The following XDH variants were observed in gnomAD, a reference collection of about 807,000 sequenced individuals.
The protein encoded by XDH is xanthine dehydrogenase.
XDH carries 138 observed loss-of-function variants against 156.1 expected under a neutral mutation model. The observed-to-expected ratio is 0.88, with a 90% CI of 0.77 to 1.02. XDH has a LOEUF of 1.02. Among genes scored for constraint, XDH ranks in the 50% least tolerant of loss-of-function variants. XDH has a pLI of 0.00. For synonymous variants in XDH, 669 were observed against 625.7 expected (o/e 1.07, Z -1.03); for missense variants, 1,849 against 1,684.9 (o/e 1.10, Z -1.71).
chr2:31,386,444 C>T lies in XDH; in HGVS notation c.763G>A (p.Ala255Thr), dbSNP rs151251011. ...LLDLKAQHPD[A>T]KLVVGNTEIG... ...TCCGTGTTCCCCACGACCAGCTTGG[C>T]GTCAGGGTGCTGAGCCTTGAGGTCC... Residue 255 changes from alanine to threonine, a missense_variant, in exon 9 of 36, where the codon GCC becomes ACC. Ala to Thr is a moderately conservative substitution (Grantham distance 58). Coordinates refer to ENST00000379416, the MANE Select transcript of XDH (RefSeq NM_000379.4). 18 of 1,613,718 alleles carry T rather than the reference C, an allele frequency of 1.1e-5. No individual in the cohort carries two copies. In the African/African-American group the frequency reaches 1.2e-4, roughly 11 times the overall value.
intron 1 of XDH, among the ~76,000 whole-genome samples, chr2:31,411,283 GAAA>G (rs376149812): frequency 9.8e-6 from 1 of 102,038 alleles, no homozygotes. Flanking sequence ...CCTGTCTCAG[GAAA>G]AAAAAAAAAA....
Position 31,370,496 on chromosome 2 carries a change from G to C in XDH, c.1857-18C>G. On this transcript the variant is annotated intron_variant, in intron 17 of 35. Coordinates refer to ENST00000379416, the MANE Select transcript of XDH (RefSeq NM_000379.4). Reference sequence around the variant, plus strand: ...CTATGGACCTGCAAGAATGAGTGGTGTGAGGGGCCAGGTCAGCAAGCTGGA... The same window carrying C: ...CTATGGACCTGCAAGAATGAGTGGTCTGAGGGGCCAGGTCAGCAAGCTGGA... 6.2e-7 allele frequency: 1 copy of C among 1,614,032 alleles called. No individual in the cohort carries two copies. Among genetic ancestry groups the C allele is most frequent in the Non-Finnish European group, 8.5e-7 (1 of 1,179,926 alleles).
rs755007813 is a variant in XDH, at chr2:31,349,667, T to A, written c.2969+19A>T. ...ATGAAACCCAGAAGAGCAACTGGACTTCTACTCCTAGTGCTTACTTGTTGA... is the reference window on the plus strand; with the variant it reads ...ATGAAACCCAGAAGAGCAACTGGACATCTACTCCTAGTGCTTACTTGTTGA... On this transcript the variant is annotated intron_variant, in intron 26 of 35. Transcript: ENST00000379416. The A allele has an allele frequency of 6.2e-7, 1 of 1,614,142 alleles. No homozygotes were observed. The highest frequency in any genetic ancestry group is 1.1e-5 in the South Asian group (1 of 91,066).
In XDH at chr2:31,372,388, T is replaced by G. The variant is rs1371594100; in HGVS notation, c.1696A>C (p.Lys566Gln). 9 of 1,613,926 alleles carry G rather than the reference T, an allele frequency of 5.6e-6. No homozygotes were observed. Among genetic ancestry groups the G allele is most frequent in the Non-Finnish European group, 7.6e-6 (9 of 1,180,052 alleles). ...ADVQLFQEVP[K>Q]GQSEEDMVGR... ...ACCATGTCCTCCTCAGACTGACCCT[T>G]GGGCACCTCCTGGAATGACAGGGTC... The change falls in exon 17 of 36, where the codon AAG (lysine) becomes CAG (glutamine). Residue 566 changes from lysine to glutamine, a missense_variant. Transcript: ENST00000379416.
chr2:31,399,451 T>A (rs534664021), intron 4 of XDH, among the ~76,000 whole-genome samples: 149 of 152,078 alleles, frequency 9.8e-4, no homozygotes, highest in African/African-American at 3.4e-3. Context: ...AGAAAACAAA[T>A]AAATGGACAA....
intron 1 of XDH, among the ~76,000 whole-genome samples, chr2:31,406,654 C>T (rs753085632): frequency 8.5e-5 from 13 of 152,222 alleles, no homozygotes; most frequent in African/African-American, 1.7e-4. Context: ...CACGCTGGCT[C>T]GACCAAGGCC....
At chr2:31,378,102 G>GAAAGAAAT (rs1686308038) in intron 13 of XDH, among the ~76,000 whole-genome samples, 1 of 60,318 alleles carries the variant, frequency 1.7e-5, no homozygotes, top group Non-Finnish European at 3.1e-5. Flanking sequence ...AAGAAAGAAA[G>GAAAGAAAT]AAAGAAAGGA....
intron 31 of XDH, among the ~76,000 whole-genome samples, chr2:31,343,265 T>G: frequency 7.8e-6 from 1 of 127,666 alleles, no homozygotes; most frequent in African/African-American, 3.0e-5. Context: ...CTAGAAAGCA[T>G]TGGCAAAACA....
At chr2:31,394,900 TC>T (rs1346736822) in intron 6 of XDH, among the ~76,000 whole-genome samples, 1 of 152,224 alleles carries the variant, frequency 6.6e-6, no homozygotes, top group African/African-American at 2.4e-5. Context: ...TCTTAGAATT[TC>T]CGTTCTCTGC....
chr2:31,350,523 C>T lies in XDH; in HGVS notation c.2632-300G>A, dbSNP rs927356450. 3.2e-4 allele frequency among the ~76,000 whole-genome samples: 48 copies of T among 151,764 alleles called. 1 individual carries two copies. Among genetic ancestry groups the T allele is most frequent in the African/African-American group, 1.1e-3 (46 of 41,300 alleles). On this transcript the variant is annotated intron_variant, in intron 24 of 35. Transcript: ENST00000379416. ...TCCTGAGTAGCTGGGATTACAGGCA[C>T]GCACCACACGCCCAGCTAATTTTTG...
intron 12 of XDH, among the ~76,000 whole-genome samples, chr2:31,380,828 T>C (rs984500875): frequency 2.0e-5 from 3 of 152,172 alleles, no homozygotes; most frequent in African/African-American, 7.2e-5. Flanking sequence ...AGAGATGCAC[T>C]GGAGCACATA....
intron 2 of XDH, among the ~76,000 whole-genome samples, 163 bp from the exon 3 acceptor site, chr2:31,403,307 G>A (rs938554487): frequency 1.3e-5 from 2 of 152,178 alleles, no homozygotes; most frequent in Admixed American, 6.5e-5. Context: ...TATTCAGAGG[G>A]GCTGCACTGC....
intron 9 of XDH, among the ~76,000 whole-genome samples, chr2:31,386,213 C>G (rs1438968742): frequency 6.6e-6 from 1 of 152,194 alleles, no homozygotes; most frequent in South Asian, 2.1e-4. Flanking sequence ...GGGGCTGAGC[C>G]AGGCCTGTGG....
intron 13 of XDH, 117 bp downstream of exon 13, chr2:31,379,750 A>G (rs1686379411): frequency 4.0e-6 from 4 of 998,542 alleles, no homozygotes; most frequent in Non-Finnish European, 6.4e-6. Context: ...AAAAATCATC[A>G]ATGTAAAGGT....
chr2:31,359,249 T>A (rs1685710508), intron 24 of XDH, among the ~76,000 whole-genome samples: 1 of 152,008 alleles, frequency 6.6e-6, no homozygotes, highest in East Asian at 1.9e-4. Flanking sequence ...TTAAAAAAAA[T>A]CAATAGAAAT....
At chr2:31,361,922 T>C (rs1468280050) in intron 24 of XDH, among the ~76,000 whole-genome samples, 2 of 152,178 alleles carry the variant, frequency 1.3e-5, no homozygotes, top group African/African-American at 4.8e-5. Context: ...TAATCTTTCA[T>C]GTGTGAATTT....
rs1685140619 is a variant in XDH, at chr2:31,342,162, A to G, written c.3519+21T>C. 1.9e-6 allele frequency: 3 copies of G among 1,601,606 alleles called. No homozygotes were observed. The Admixed American group carries it at 5.0e-5, about 27-fold the overall frequency. ...TCTCTTCTCTTTCCCACTAAGTACTAAAGTTTTGCAAACTTCTTACCTTAT... is the reference window on the plus strand; with the variant it reads ...TCTCTTCTCTTTCCCACTAAGTACTGAAGTTTTGCAAACTTCTTACCTTAT... On this transcript the variant is annotated intron_variant, in intron 32 of 35. Coordinates refer to ENST00000379416, the MANE Select transcript of XDH (RefSeq NM_000379.4).
intron 24 of XDH, among the ~76,000 whole-genome samples, chr2:31,362,231 G>C (rs1353167909): frequency 1.3e-5 from 2 of 152,126 alleles, no homozygotes; most frequent in Non-Finnish European, 2.9e-5. Flanking sequence ...ACTATGATTT[G>C]GGATCACAGG....
chr2:31,388,002 G>C (rs1317172066), intron 7 of XDH, 105 bp from the exon 8 acceptor site: 4 of 1,333,660 alleles, frequency 3.0e-6, no homozygotes, highest in Non-Finnish European at 4.2e-6. Flanking sequence ...CCAGCCCCCT[G>C]CAGGCTGCAA....
Sources: allele counts gnomAD v4.1 joint callset (sites outside exome capture counted in the v4.1 genomes callset), GRCh38; gene constraint gnomAD v4.1.1; transcripts MANE v1.5; gene names NCBI Gene and HGNC (gene_info 2026-07-23, HGNC 2026-07-21).